The following AATF variants were observed in gnomAD, a reference collection of about 807,000 sequenced individuals.
The protein encoded by AATF is apoptosis antagonizing transcription factor.
Under a neutral mutation model 63.7 loss-of-function variants are expected in AATF, and 48 were observed. The ratio of observed to expected loss-of-function variants is 0.75; its 90% confidence interval spans 0.60 to 0.96. The LOEUF is 0.96. AATF is among the 40% of genes least tolerant of loss of function. AATF has a pLI of 0.00. For synonymous variants in AATF, 258 were observed against 247.7 expected, an observed-to-expected ratio of 1.04 and a Z score of -0.39; for missense variants, 639 against 685.7, an observed-to-expected ratio of 0.93 and a Z score of 0.76.
At chr17:36,962,053 C>G (rs2070951759) in intron 4 of AATF, among the ~76,000 whole-genome samples, 1 of 152,102 alleles carries the variant, frequency 6.6e-6, no homozygotes, top group Non-Finnish European at 1.5e-5. Flanking sequence ...AATTTAAATT[C>G]TCATCTGTAA....
At chr17:37,028,512 A>G (rs938328288) in intron 10 of AATF, among the ~76,000 whole-genome samples, 30 of 152,148 alleles carry the variant, frequency 2.0e-4, no homozygotes, top group African/African-American at 6.8e-4. Context: ...TAGACTGGGC[A>G]TGGTGGCTCA....
At chr17:37,027,024 G>A (rs1342373534) in intron 10 of AATF, among the ~76,000 whole-genome samples, 1 of 152,008 alleles carries the variant, frequency 6.6e-6, no homozygotes, top group African/African-American at 2.4e-5. Context: ...AAATGTTGTA[G>A]CAAAGATTAA....
At chr17:36,973,781 G>A (rs1044291865) in intron 4 of AATF, among the ~76,000 whole-genome samples, 1 of 152,112 alleles carries the variant, frequency 6.6e-6, no homozygotes, top group African/African-American at 2.4e-5. Context: ...TTAGAAAATA[G>A]CCAAGCAGGC....
chr17:36,968,423 C>T (rs535363849), intron 4 of AATF, among the ~76,000 whole-genome samples: 4 of 149,024 alleles, frequency 2.7e-5, no homozygotes, highest in Admixed American at 6.7e-5. Flanking sequence ...TACAGGTGCA[C>T]GCCACCACGC....
rs73985320 is a variant in AATF at position 36,964,171 on chromosome 17, T to C, written c.832+10264T>C. ...TGTGGTCAAAAGAGGGGTGTTTTGC[T>C]TTTTTTTTTTTTTTTTTTTAAGGTG... On this transcript the variant is annotated intron_variant, in intron 4 of 11. Transcript: ENST00000619387. 3.5e-3 allele frequency among the ~76,000 whole-genome samples: 279 copies of C among 78,594 alleles called. 2 individuals carry two copies. Among genetic ancestry groups the C allele is most frequent in the African/African-American group, 0.011 (186 of 16,562 alleles). 51.6% of individuals were successfully genotyped at this position (78,594 alleles called of 152,430 possible). A position where few individuals can be genotyped will look rare whatever the true frequency, so the allele number is the denominator to read the frequency against.
rs2070834549 is a variant in AATF, at chr17:36,949,352, C to T, written c.91+136C>T. The T allele has an allele frequency of 4.9e-6, 4 of 813,564 alleles. No individual in the cohort carries two copies. In the South Asian group the frequency reaches 7.7e-5, roughly 16 times the overall value. 50.4% of individuals were successfully genotyped at this position (813,564 alleles called of 1,614,324 possible). ...CTTGGCGCAGAGGAACGTCGCCTCC[C>T]GCGAGGGTGGTCCCGGCCTCGGGAG... On this transcript the variant is annotated intron_variant, in intron 1 of 11. Coordinates refer to ENST00000619387, the MANE Select transcript of AATF (RefSeq NM_012138.4).
chr17:37,018,859 C>T (rs752035309), intron 8 of AATF, 146 bp from the exon 9 acceptor site: 22 of 657,540 alleles, frequency 3.3e-5, no homozygotes, highest in Non-Finnish European at 5.8e-5. Flanking sequence ...AACGGGAATT[C>T]AGTAATGCTC....
At chr17:36,951,355 T>A (rs2070853544) in intron 2 of AATF, among the ~76,000 whole-genome samples, 1 of 152,172 alleles carries the variant, frequency 6.6e-6, no homozygotes, top group Admixed American at 6.5e-5. Flanking sequence ...AATATGATAA[T>A]ATTTATTGAG....
At chr17:37,011,116 A>G (rs1487234199) in intron 8 of AATF, among the ~76,000 whole-genome samples, 1 of 152,222 alleles carries the variant, frequency 6.6e-6, no homozygotes, top group African/African-American at 2.4e-5. Flanking sequence ...TACGCCTGTA[A>G]TCCCAGCACT....
At chr17:37,044,668 G>C (rs1030365692) in intron 11 of AATF, among the ~76,000 whole-genome samples, 1 of 152,110 alleles carries the variant, frequency 6.6e-6, no homozygotes, top group African/African-American at 2.4e-5. Flanking sequence ...GTCACCTATC[G>C]AATTCTTGCG....
Position 36,950,238 on chromosome 17 carries a change from G to A in AATF, c.116G>A (p.Arg39Lys), listed in dbSNP as rs1267116459. The A allele has an allele frequency of 6.2e-7, 1 of 1,614,084 alleles. No individual in the cohort carries two copies. The highest frequency in any genetic ancestry group is 8.5e-7 in the Non-Finnish European group (1 of 1,179,960). Residue 39 changes from arginine to lysine, a missense_variant, in exon 2 of 12, where the codon AGG (arginine) becomes AAG (lysine). Physicochemically the swap from Arg to Lys is conservative, Grantham distance 26 (BLOSUM62 2). Transcript: ENST00000619387. Reference protein sequence around the residue: ...EEATAARVIDRFDEGEDGEGD... With the variant: ...EEATAARVIDKFDEGEDGEGD... ...GCCACTGCTGCCAGGGTGATTGACA[G>A]GTTTGATGAAGGGGAAGATGGGGAA...
intron 8 of AATF, among the ~76,000 whole-genome samples, chr17:36,991,382 A>G (rs951925259): frequency 6.6e-6 from 1 of 152,156 alleles, no homozygotes; most frequent in African/African-American, 2.4e-5. Flanking sequence ...GTGCTTTTGA[A>G]GACAGAGAGA....
chr17:36,949,859 T>C (rs899331082), intron 1 of AATF, among the ~76,000 whole-genome samples: 3 of 152,198 alleles, frequency 2.0e-5, no homozygotes, highest in Non-Finnish European at 4.4e-5. Flanking sequence ...CGGGACTGTT[T>C]AGCCAGAATA....
At chr17:36,985,900 G>C (rs2071165407) in intron 4 of AATF, among the ~76,000 whole-genome samples, 1 of 152,054 alleles carries the variant, frequency 6.6e-6, no homozygotes, top group African/African-American at 2.4e-5. Flanking sequence ...ACATCATCTT[G>C]ACCAGCTCTA....
intron 8 of AATF, among the ~76,000 whole-genome samples, chr17:37,007,970 CT>C (rs2071354898): frequency 6.6e-6 from 1 of 152,120 alleles, no homozygotes; most frequent in African/African-American, 2.4e-5. Flanking sequence ...CCATAGCATA[CT>C]TTTTAAATGT....
chr17:37,029,502 G>A (rs1485390039), intron 10 of AATF, among the ~76,000 whole-genome samples: 1 of 151,676 alleles, frequency 6.6e-6, no homozygotes, highest in Non-Finnish European at 1.5e-5. Flanking sequence ...CCCGCCTCAG[G>A]CTTCTAAAGT....
At chr17:37,032,206 G>C (rs1443628121) in intron 11 of AATF, among the ~76,000 whole-genome samples, 1 of 152,062 alleles carries the variant, frequency 6.6e-6, no homozygotes, top group Non-Finnish European at 1.5e-5. Flanking sequence ...AGTTTCTTCT[G>C]TATCTATTAA....
intron 8 of AATF, among the ~76,000 whole-genome samples, chr17:37,006,987 A>T (rs1025009991): frequency 6.6e-6 from 1 of 152,224 alleles, no homozygotes; most frequent in Non-Finnish European, 1.5e-5. Flanking sequence ...CTAGCTATAC[A>T]TTCTCTTATT....
chr17:37,003,088 A>AT (rs1421758953), intron 8 of AATF, among the ~76,000 whole-genome samples: 3 of 152,226 alleles, frequency 2.0e-5, no homozygotes, highest in Admixed American at 6.5e-5. Context: ...TGGTGCTGGC[A>AT]TAAGGCTAGG....
Sources: gnomAD v4.1 joint callset for allele counts (sites outside exome capture counted in the v4.1 genomes callset) on GRCh38, gnomAD v4.1.1 for gene constraint, MANE v1.5 for transcripts, NCBI Gene and HGNC (gene_info 2026-07-23, HGNC 2026-07-21) for gene names.